The following SH3GL1 variants were observed in gnomAD, a reference collection of about 807,000 sequenced individuals.
SH3GL1 encodes the protein SH3 domain containing GRB2 like 1, endophilin A2.
SH3GL1 carries 21 observed loss-of-function variants against 48.8 expected under a neutral mutation model. That is an observed-to-expected ratio of 0.43 (90% CI 0.30 to 0.62). SH3GL1 has a LOEUF of 0.62. Among genes scored for constraint, SH3GL1 ranks in the 20% least tolerant of loss-of-function variants. The pLI is 0.11. For missense variants in SH3GL1, 454 were observed against 503.0 expected, an observed-to-expected ratio of 0.90 and a Z score of 0.93; for synonymous variants, 282 against 217.5, an observed-to-expected ratio of 1.30 and a Z score of -2.61.
chr19:4,399,176 C>T (rs1324836371), intron 1 of SH3GL1, among the ~76,000 whole-genome samples: 1 of 151,850 alleles, frequency 6.6e-6, no homozygotes, highest in Non-Finnish European at 1.5e-5. Context: ...AAAAAGTAGC[C>T]GGGCGTGGTG....
Position 4,362,263 on chromosome 19 carries a change from A to G in SH3GL1, c.910+66T>C, listed in dbSNP as rs570217019. 3.4e-4 allele frequency: 505 copies of G among 1,480,414 alleles called. 6 individuals are homozygous for G. The South Asian group carries it at 4.2e-3, about 12-fold the overall frequency. 91.7% of individuals were successfully genotyped at this position (1,480,414 alleles called of 1,614,324 possible). A position where few individuals can be genotyped will look rare whatever the true frequency, so the allele number is the denominator to read the frequency against. Reference sequence around the variant, plus strand: ...GATGGGCAGAGAACAGGGCGGGAGGAGAAACACCCTCCCCGAATGGCCGAG... The same window carrying G: ...GATGGGCAGAGAACAGGGCGGGAGGGGAAACACCCTCCCCGAATGGCCGAG... On this transcript the variant is annotated intron_variant, in intron 9 of 9. Transcript: ENST00000269886.
chr19:4,368,565 T>A (rs1412198620), intron 1 of SH3GL1, among the ~76,000 whole-genome samples: 1 of 152,192 alleles, frequency 6.6e-6, no homozygotes, highest in Non-Finnish European at 1.5e-5. Context: ...AAGGAATTCC[T>A]GGCCCTCCTC....
Position 4,367,324 on chromosome 19 carries a change from A to G in SH3GL1, c.46-330T>C, listed in dbSNP as rs913593268. Among the ~76,000 whole-genome samples, 1 of 152,146 alleles carries G rather than the reference A, an allele frequency of 6.6e-6. No homozygotes were observed. The highest frequency in any genetic ancestry group is 1.5e-5 in the Non-Finnish European group (1 of 68,018). On this transcript the variant is annotated intron_variant, in intron 1 of 9. Transcript: ENST00000269886. This position sits in a 1 kb window ranked among gnomAD's most constrained non-coding sequence, Gnocchi z 4.2. ...GTCCAGAGCCTCAGCCTGAGAACAC[A>G]TGGCTCAGAAGACACTGCTTCCAGA...
At chr19:4,397,703 G>A (rs532377726) in intron 1 of SH3GL1, among the ~76,000 whole-genome samples, 2 of 152,304 alleles carry the variant, frequency 1.3e-5, no homozygotes, top group South Asian at 4.1e-4. Flanking sequence ...ATTTCAAAGT[G>A]CTGGGGCAAG....
intron 3 of SH3GL1, 52 bp downstream of exon 3, chr19:4,366,447 GAC>G (rs1972781071): frequency 4.2e-6 from 6 of 1,433,570 alleles, no homozygotes; most frequent in African/African-American, 1.4e-5. Context: ...CCTTCCCTCT[GAC>G]ACAGAGGCCA....
At chr19:4,399,880 T>C (rs1045839894) in intron 1 of SH3GL1, among the ~76,000 whole-genome samples, 9 of 152,216 alleles carry the variant, frequency 5.9e-5, no homozygotes, top group Admixed American at 1.3e-4. Context: ...AACTGACTTC[T>C]TCCTCTACCT....
In SH3GL1 at chr19:4,399,737, G is replaced by A. The variant is rs187847030; in HGVS notation, c.45+587C>T. 8.7e-4 allele frequency among the ~76,000 whole-genome samples: 132 copies of A among 152,246 alleles called. 1 individual carries two copies. The highest frequency in any genetic ancestry group is 3.2e-4 in the Non-Finnish European group (22 of 68,018). ...AAAAACACAGCACACAGGATTCTGT[G>A]GCATATGCTATCACAGGGTACGTGT... On this transcript the variant is annotated intron_variant, in intron 1 of 9. Coordinates refer to ENST00000269886, the MANE Select transcript of SH3GL1 (RefSeq NM_003025.4).
chr19:4,384,613 C>G (rs1296418668), intron 1 of SH3GL1, among the ~76,000 whole-genome samples: 1 of 152,160 alleles, frequency 6.6e-6, no homozygotes, highest in Non-Finnish European at 1.5e-5. Flanking sequence ...ACTGGAGAAG[C>G]TCTCAGATAC....
intron 1 of SH3GL1, among the ~76,000 whole-genome samples, chr19:4,368,240 G>A (rs1972824036): frequency 6.6e-6 from 1 of 152,234 alleles, no homozygotes; most frequent in South Asian, 2.1e-4. Flanking sequence ...ATGCCATGAG[G>A]GTCCGTGTGG....
intron 1 of SH3GL1, among the ~76,000 whole-genome samples, chr19:4,391,470 C>G (rs1599620677): frequency 6.6e-6 from 1 of 152,188 alleles, no homozygotes; most frequent in East Asian, 1.9e-4. Context: ...GATTCTGAGT[C>G]AGAGACAAAC....
intron 1 of SH3GL1, among the ~76,000 whole-genome samples, chr19:4,388,720 C>T (rs1391992606): frequency 6.6e-6 from 1 of 152,234 alleles, no homozygotes; most frequent in Non-Finnish European, 1.5e-5. Flanking sequence ...AGCCGGGCAG[C>T]AGCAGGTGCA....
chr19:4,365,090 G>A (rs1972742709), intron 4 of SH3GL1, among the ~76,000 whole-genome samples: 1 of 151,870 alleles, frequency 6.6e-6, no homozygotes, highest in East Asian at 1.9e-4. Context: ...AACACTCTAA[G>A]CCCAGGGCCC....
intron 7 of SH3GL1, 87 bp downstream of exon 7, chr19:4,363,283 A>C: frequency 9.9e-7 from 1 of 1,009,888 alleles, no homozygotes; most frequent in Non-Finnish European, 1.5e-6. Context: ...CCATGTGCTC[A>C]CCCCACAGCG....
chr19:4,366,470 G>T (rs1216575783), intron 3 of SH3GL1, 31 bp downstream of exon 3: 3 of 1,557,628 alleles, frequency 1.9e-6, no homozygotes, highest in Non-Finnish European at 2.6e-6. Flanking sequence ...GAGGGCCTGG[G>T]GCAGGCCCTG....
chr19:4,362,376 G>T lies in SH3GL1; in HGVS notation c.863C>A (p.Ser288Tyr). The T allele has an allele frequency of 6.2e-7, 1 of 1,611,766 alleles. No individual in the cohort carries two copies. Among genetic ancestry groups the T allele is most frequent in the Non-Finnish European group, 8.5e-7 (1 of 1,178,858 alleles). ...TTAPKIAASS[S>Y]FRSSDKPIRT... ...GATGGGCTTGTCGGAAGATCGGAAA[G>T]ACGATGAAGCTAAACACAAGCAAAA... Residue 288 changes from serine to tyrosine, a missense_variant, in exon 9 of 10, where the codon TCT (serine) becomes TAT (tyrosine). Physicochemically the swap from Ser to Tyr is moderately radical, Grantham distance 144 (BLOSUM62 -2). Transcript: ENST00000269886.
At chr19:4,391,940 T>C (rs1261226617) in intron 1 of SH3GL1, among the ~76,000 whole-genome samples, 3 of 152,198 alleles carry the variant, frequency 2.0e-5, no homozygotes, top group Non-Finnish European at 2.9e-5. Context: ...CTGGATTCAG[T>C]CACCAGAGCT....
intron 1 of SH3GL1, among the ~76,000 whole-genome samples, chr19:4,393,786 T>A (rs1973379471): frequency 6.6e-6 from 1 of 151,600 alleles, no homozygotes; most frequent in Non-Finnish European, 1.5e-5. Flanking sequence ...CTAGACTCTG[T>A]CTCAAACAAA....
chr19:4,371,589 G>T (rs1972902387), intron 1 of SH3GL1, among the ~76,000 whole-genome samples: 1 of 152,240 alleles, frequency 6.6e-6, no homozygotes, highest in South Asian at 2.1e-4. Flanking sequence ...AGCCAGCGTG[G>T]GGGAGGGCAA....
Position 4,400,238 on chromosome 19 carries a change from C to G in SH3GL1, c.45+86G>C, listed in dbSNP as rs1973498285. On this transcript the variant is annotated intron_variant, in intron 1 of 9. Transcript: ENST00000269886. The surrounding 1 kb of genome is among the most constrained non-coding windows in gnomAD (Gnocchi z 4.1). ...AACGTCCCCACCTCGGTCCCCCCGG[C>G]CCCCTCCCGGGCCAGGTCGGGCCTG... The G allele has an allele frequency of 1.4e-6, 2 of 1,442,594 alleles. No individual in the cohort carries two copies. The highest frequency in any genetic ancestry group is 1.9e-6 in the Non-Finnish European group (2 of 1,066,096). 89.4% of individuals were successfully genotyped at this position (1,442,594 alleles called of 1,614,324 possible).
Sources: gnomAD v4.1 joint callset for allele counts (sites outside exome capture counted in the v4.1 genomes callset) on GRCh38, gnomAD v4.1.1 for gene constraint, Gnocchi (gnomAD v3.1) non-coding constraint, MANE v1.5 for transcripts, NCBI Gene and HGNC (gene_info 2026-07-23, HGNC 2026-07-21) for gene names.